Variants in TSPAN14 observed in about 807,000 individuals in gnomAD.
The protein encoded by TSPAN14 is tetraspanin 14, also known as tetraspanin-14.
A neutral mutation model predicts 36.6 loss-of-function variants in TSPAN14; 16 were observed. The ratio of observed to expected loss-of-function variants is 0.44; its 90% CI spans 0.30 to 0.66. The LOEUF (loss-of-function observed/expected upper bound fraction) is 0.66, where lower values mean the gene tolerates loss of function less well. Ranked by LOEUF, TSPAN14 falls within the 30% of genes least tolerant of loss-of-function variation. The pLI, the probability that TSPAN14 is intolerant of heterozygous loss-of-function variation, is 0.12. For missense variants in TSPAN14, 231 were observed against 355.1 expected, an observed-to-expected ratio of 0.65 and a Z score of 2.81; for synonymous variants, 139 against 143.8, an observed-to-expected ratio of 0.97 and a Z score of 0.24.
intron 7 of TSPAN14, among the ~76,000 whole-genome samples, chr10:80,514,669 G>A (rs1198541909): frequency 6.6e-6 from 1 of 152,184 alleles, no homozygotes; most frequent in Non-Finnish European, 1.5e-5. Flanking sequence ...GTTAGCCGTG[G>A]ATATGAGGGA....
At chr10:80,461,057 G>C (rs542904653) in intron 1 of TSPAN14, among the ~76,000 whole-genome samples, 1 of 152,106 alleles carries the variant, frequency 6.6e-6, no homozygotes, top group African/African-American at 2.4e-5. Flanking sequence ...GCTTCCTTCT[G>C]TCTGAGGCCT....
chr10:80,514,355 C>T (rs999275591), intron 7 of TSPAN14, among the ~76,000 whole-genome samples: 2 of 152,174 alleles, frequency 1.3e-5, no homozygotes, highest in Non-Finnish European at 1.5e-5. Flanking sequence ...ACAAAGACTG[C>T]ATTTTTAGGA....
chr10:80,484,659 A>T (rs1847493916), intron 1 of TSPAN14, among the ~76,000 whole-genome samples: 1 of 152,136 alleles, frequency 6.6e-6, no homozygotes, highest in Non-Finnish European at 1.5e-5. Context: ...GGTTGCAGAT[A>T]TTTACTGTGT....
At chr10:80,516,808 A>C (rs1196646468) in intron 8 of TSPAN14, among the ~76,000 whole-genome samples, 1 of 152,220 alleles carries the variant, frequency 6.6e-6, no homozygotes, top group East Asian at 1.9e-4. Context: ...TGGAGTTGTC[A>C]GGTATCTTCC....
intron 2 of TSPAN14, 129 bp downstream of exon 2, chr10:80,489,443 AC>A: frequency 1.4e-6 from 1 of 700,626 alleles, no homozygotes; most frequent in Non-Finnish European, 2.5e-6. Context: ...AGGGTCAGTG[AC>A]CCCTACCCTC....
intron 1 of TSPAN14, among the ~76,000 whole-genome samples, chr10:80,457,936 C>G (rs1163614667): frequency 6.6e-6 from 1 of 152,220 alleles, no homozygotes; most frequent in Non-Finnish European, 1.5e-5. Flanking sequence ...GGGAACACCC[C>G]TGGTGGCTTG....
intron 1 of TSPAN14, among the ~76,000 whole-genome samples, chr10:80,487,765 A>C (rs1589267401): frequency 1.3e-5 from 2 of 151,952 alleles, no homozygotes; most frequent in African/African-American, 4.8e-5. Flanking sequence ...GGGATAGGGC[A>C]GCTGGGTAGC....
exon 7 of TSPAN14, chr10:80,514,048 T>C (rs1289464128): frequency 1.2e-6 from 2 of 1,613,992 alleles, no homozygotes; most frequent in Non-Finnish European, 8.5e-7. Flanking sequence ...AGTGTGGATA[T>C]GATGTCAGGA....
intron 1 of TSPAN14, among the ~76,000 whole-genome samples, chr10:80,458,258 C>T (rs1467769402): frequency 6.6e-6 from 1 of 151,500 alleles, no homozygotes; most frequent in East Asian, 1.9e-4. Flanking sequence ...AAGGTGGACT[C>T]CCACTGGGGA....
intron 1 of TSPAN14, among the ~76,000 whole-genome samples, chr10:80,475,664 T>C (rs1430037866): frequency 9.9e-5 from 15 of 152,184 alleles, no homozygotes. Context: ...CTTGGCTCAC[T>C]GCAACTTCCG....
chr10:80,460,107 G>A (rs1394321854), intron 1 of TSPAN14, among the ~76,000 whole-genome samples: 1 of 152,194 alleles, frequency 6.6e-6, no homozygotes, highest in Non-Finnish European at 1.5e-5. Context: ...ATAGATGTAG[G>A]AATTATCGCA....
At chr10:80,491,383 A>G (rs1198478923) in intron 2 of TSPAN14, among the ~76,000 whole-genome samples, 1 of 152,072 alleles carries the variant, frequency 6.6e-6, no homozygotes. Flanking sequence ...CCGCACCCCC[A>G]GGCAAGTATA....
At chr10:80,476,423 T>G (rs1318236290) in intron 1 of TSPAN14, among the ~76,000 whole-genome samples, 5 of 145,128 alleles carry the variant, frequency 3.4e-5, no homozygotes, top group South Asian at 4.5e-4. Context: ...TTTTTTTTTT[T>G]TTTTTTTTTT....
rs1394146734 is a variant in TSPAN14, at chr10:80,454,377, T to C, written c.-18+6T>C. 6.6e-6 allele frequency: 1 copy of C among 150,746 alleles called. No homozygotes were observed. The highest frequency in any genetic ancestry group is 1.5e-5 in the Non-Finnish European group (1 of 67,502). 9.3% of individuals were successfully genotyped at this position (150,746 alleles called of 1,614,324 possible). ...GCTGCCGCCGCCGCGCGCGGGTGAG[T>C]AGAGCGCGGAGACCTGGCTGGGGCG... On this transcript the variant is annotated splice_donor_region_variant and intron_variant, in intron 1 of 8. Transcript: ENST00000429989.
At chr10:80,510,853 A>C (rs995055334) in intron 5 of TSPAN14, among the ~76,000 whole-genome samples, 1 of 152,332 alleles carries the variant, frequency 6.6e-6, no homozygotes, top group African/African-American at 2.4e-5. Context: ...CAGCCTGGTC[A>C]ACAGAGCAAG....
chr10:80,520,899 C>T, exon 9 of TSPAN14: 2 of 504,768 alleles, frequency 4.0e-6, no homozygotes, highest in East Asian at 5.5e-5. Context: ...GTTCTCTGAC[C>T]TCTCCCATAT....
chr10:80,513,221 A>C (rs1840754659), intron 6 of TSPAN14, among the ~76,000 whole-genome samples: 1 of 152,030 alleles, frequency 6.6e-6, no homozygotes, highest in Non-Finnish European at 1.5e-5. Flanking sequence ...ACCTATTGGC[A>C]TTCCCAATCC....
intron 2 of TSPAN14, among the ~76,000 whole-genome samples, chr10:80,502,044 G>A (rs528643555): frequency 6.6e-6 from 1 of 152,364 alleles, no homozygotes; most frequent in Middle Eastern, 3.4e-3. Context: ...ACACATGGAG[G>A]ATGGGGAGCA....
intron 2 of TSPAN14, among the ~76,000 whole-genome samples, chr10:80,495,872 T>C (rs931985462): frequency 1.3e-5 from 2 of 152,194 alleles, no homozygotes; most frequent in South Asian, 2.1e-4. Context: ...AATGAAGATA[T>C]AAAACATTCC....
Sources: gnomAD v4.1 joint callset for allele counts (sites outside exome capture counted in the v4.1 genomes callset) on GRCh38, gnomAD v4.1.1 for gene constraint, MANE v1.5 for transcripts, NCBI Gene and HGNC (gene_info 2026-07-23, HGNC 2026-07-21) for gene names.